CDC123: variants seen among roughly 807,000 people sequenced by gnomAD.
The protein encoded by CDC123 is translation initiation factor eIF2 assembly protein.
A neutral mutation model predicts 54.4 loss-of-function variants in CDC123; 37 were observed. The ratio of observed to expected loss-of-function variants is 0.68; its 90% CI spans 0.52 to 0.89. The LOEUF is 0.89. CDC123 is among the 40% of genes least tolerant of loss of function. The probability of loss-of-function intolerance (pLI) is 0.00; values close to 1 mark genes in which losing one functional copy is unlikely to be tolerated. For synonymous variants in CDC123, 144 were observed against 136.8 expected (o/e 1.05, Z -0.37); for missense variants, 361 against 412.1 (o/e 0.88, Z 1.07).
At chr10:12,204,694 CA>C (rs1835490631) in intron 2 of CDC123, among the ~76,000 whole-genome samples, 1 of 152,028 alleles carries the variant, frequency 6.6e-6, no homozygotes, top group Non-Finnish European at 1.5e-5. Flanking sequence ...ATTGTTCTGT[CA>C]AGTAGTAGGT....
intron 1 of CDC123, 109 bp downstream of exon 1, chr10:12,196,428 A>C: frequency 7.1e-7 from 1 of 1,411,784 alleles, no homozygotes; most frequent in South Asian, 1.2e-5. Context: ...ACTGCATGGG[A>C]GGGAGTGTGT....
At chr10:12,246,319 T>A (rs781661158) in intron 11 of CDC123, 42 bp downstream of exon 11, 2 of 1,605,500 alleles carry the variant, frequency 1.2e-6, no homozygotes, top group South Asian at 1.1e-5. Flanking sequence ...ACCTTTCCAG[T>A]CTACTGACTG....
chr10:12,237,059 CT>C, intron 8 of CDC123, 84 bp from the exon 9 acceptor site: 1 of 1,399,632 alleles, frequency 7.1e-7, no homozygotes, highest in Middle Eastern at 2.7e-4. Context: ...TTTAATGGTT[CT>C]TTCCACAAAA....
At chr10:12,226,507 G>A (rs1376812996) in intron 6 of CDC123, among the ~76,000 whole-genome samples, 1 of 150,986 alleles carries the variant, frequency 6.6e-6, no homozygotes, top group Non-Finnish European at 1.5e-5. Flanking sequence ...AGACGGGGCG[G>A]CCGGGCAGAG....
At chr10:12,210,920 C>G (rs1835589356) in intron 4 of CDC123, among the ~76,000 whole-genome samples, 1 of 152,018 alleles carries the variant, frequency 6.6e-6, no homozygotes, top group Admixed American at 6.6e-5. Flanking sequence ...ATGGTAGTCT[C>G]GAACTCCTGA....
At chr10:12,225,721 T>C (rs1241000331) in intron 6 of CDC123, among the ~76,000 whole-genome samples, 1 of 150,980 alleles carries the variant, frequency 6.6e-6, no homozygotes, top group African/African-American at 2.4e-5. Flanking sequence ...AATTGACTTT[T>C]CTCTTTTTTT....
intron 2 of CDC123, among the ~76,000 whole-genome samples, chr10:12,207,091 A>C (rs1240912292): frequency 6.6e-6 from 1 of 151,948 alleles, no homozygotes; most frequent in Non-Finnish European, 1.5e-5. Context: ...TTCCTGTTTC[A>C]GGATATTAAA....
chr10:12,225,895 A>G (rs1835806546), intron 6 of CDC123, among the ~76,000 whole-genome samples: 2 of 151,848 alleles, frequency 1.3e-5, no homozygotes, highest in Admixed American at 1.3e-4. Flanking sequence ...TTTCCTAGGC[A>G]GAGGACCCTG....
rs1292989033 is a variant in CDC123 at position 12,250,339 on chromosome 10, G to A, written c.*2G>A. The A allele has an allele frequency of 6.2e-7, 1 of 1,603,150 alleles. No individual in the cohort carries two copies. Among genetic ancestry groups the A allele is most frequent in the Non-Finnish European group, 8.5e-7 (1 of 1,171,252 alleles). On this transcript the variant is annotated 3_prime_UTR_variant, in exon 13 of 13. Coordinates refer to ENST00000281141, the MANE Select transcript of CDC123 (RefSeq NM_006023.3). The stretch of plus-strand genomic sequence containing the variant: ...AGAAATCAGCAGGAGGACGACTGAT[G>A]AGCGTACTGGAACTGGAGAAGAGGA...
chr10:12,211,748 A>G (rs746099782), intron 4 of CDC123, among the ~76,000 whole-genome samples: 4 of 152,250 alleles, frequency 2.6e-5, no homozygotes, highest in Non-Finnish European at 5.9e-5. Flanking sequence ...AATGCCTGAC[A>G]GGACAAGTGG....
chr10:12,231,770 C>T (rs892066123), intron 7 of CDC123, among the ~76,000 whole-genome samples: 3 of 152,110 alleles, frequency 2.0e-5, no homozygotes, highest in Non-Finnish European at 4.4e-5. Flanking sequence ...ACGCACATAC[C>T]CTGATCTGGA....
chr10:12,227,988 T>G (rs1835849864), intron 6 of CDC123, among the ~76,000 whole-genome samples: 1 of 152,118 alleles, frequency 6.6e-6, no homozygotes, highest in Admixed American at 6.5e-5. Flanking sequence ...TGGGCTAGAG[T>G]GCAATGGTGT....
intron 2 of CDC123, among the ~76,000 whole-genome samples, chr10:12,202,342 G>T (rs967159183): frequency 2.6e-5 from 4 of 152,148 alleles, no homozygotes; most frequent in Non-Finnish European, 4.4e-5. Context: ...TTTTATGTCT[G>T]TGTAAGTGGA....
At chr10:12,196,381 T>C in intron 1 of CDC123, 62 bp downstream of exon 1, 1 of 1,609,084 alleles carries the variant, frequency 6.2e-7, no homozygotes, top group South Asian at 1.1e-5. Context: ...TCTGAGCGAA[T>C]CTTACTGCTA....
In CDC123 at chr10:12,210,326, A is replaced by G. The variant is rs745732754; in HGVS notation, c.237+4A>G. 6.2e-7 allele frequency: 1 copy of G among 1,614,116 alleles called. No individual in the cohort carries two copies. The highest frequency in any genetic ancestry group is 1.1e-5 in the South Asian group (1 of 91,062). On this transcript the variant is annotated splice_donor_region_variant and intron_variant, in intron 4 of 12. Transcript: ENST00000281141. ...TGAGAACACAGCCACGCTTACGGTA[A>G]GAGCACAGCAGACTCAGCGTGGGGA...
At chr10:12,234,555 C>T (rs942770369) in intron 7 of CDC123, among the ~76,000 whole-genome samples, 3 of 151,938 alleles carry the variant, frequency 2.0e-5, no homozygotes, top group African/African-American at 7.3e-5. Flanking sequence ...TCAAGGGGTG[C>T]AGAACATATG....
chr10:12,230,302 C>T (rs1835883142), intron 6 of CDC123, among the ~76,000 whole-genome samples: 1 of 151,972 alleles, frequency 6.6e-6, no homozygotes, highest in African/African-American at 2.4e-5. Context: ...AGGTGATTCC[C>T]CTGCCTCAGC....
chr10:12,213,293 T>C (rs1483075933), intron 4 of CDC123, among the ~76,000 whole-genome samples: 2 of 152,242 alleles, frequency 1.3e-5, no homozygotes, highest in Non-Finnish European at 2.9e-5. Flanking sequence ...AGACCTGTCA[T>C]GTGTGCCTCC....
At chr10:12,219,723 C>T (rs536653249) in intron 6 of CDC123, among the ~76,000 whole-genome samples, 6 of 141,768 alleles carry the variant, frequency 4.2e-5, no homozygotes, top group Admixed American at 2.3e-4. Context: ...CTCACTCTGT[C>T]GCCCAGGCTG....
Sources: gnomAD v4.1 joint callset for allele counts (sites outside exome capture counted in the v4.1 genomes callset) on GRCh38, gnomAD v4.1.1 for gene constraint, MANE v1.5 for transcripts, NCBI Gene and HGNC (gene_info 2026-07-23, HGNC 2026-07-21) for gene names.